Variants in TMEM117 observed in about 807,000 individuals in gnomAD.
The protein encoded by TMEM117 is transmembrane protein 117.
TMEM117 carries 27 observed loss-of-function variants against 52.4 expected under a neutral mutation model. That is an observed-to-expected ratio of 0.51 (90% CI 0.38 to 0.71). The LOEUF (loss-of-function observed/expected upper bound fraction) is 0.71. TMEM117 is among the 30% of genes least tolerant of loss of function. The pLI is 0.00. For synonymous variants in TMEM117, 215 were observed against 206.3 expected (o/e 1.04, Z -0.36); for missense variants, 556 against 630.5 (o/e 0.88, Z 1.26).
chr12:43,992,668 T>C (rs1326957827), intron 3 of TMEM117, among the ~76,000 whole-genome samples: 2 of 152,172 alleles, frequency 1.3e-5, no homozygotes, highest in African/African-American at 4.8e-5. Context: ...CTCTCCATGC[T>C]CTCTCAGGTA....
chr12:43,898,148 C>T (rs185903006), intron 2 of TMEM117, among the ~76,000 whole-genome samples: 1 of 152,106 alleles, frequency 6.6e-6, no homozygotes, highest in East Asian at 1.9e-4. Flanking sequence ...CAGCTCAAAA[C>T]AGAATTCCTC....
intron 5 of TMEM117, among the ~76,000 whole-genome samples, chr12:44,217,871 A>G (rs916967163): frequency 6.6e-6 from 1 of 152,164 alleles, no homozygotes; most frequent in African/African-American, 2.4e-5. Context: ...CTGGGAATGT[A>G]ATATGGAACA....
intron 2 of TMEM117, among the ~76,000 whole-genome samples, chr12:43,910,355 A>G (rs1354630515): frequency 1.1e-4 from 14 of 129,868 alleles, no homozygotes; most frequent in African/African-American, 3.9e-4. Context: ...CAAAATAATA[A>G]GAGCTATCTA....
At chr12:44,095,380 G>C (rs558907783) in intron 3 of TMEM117, among the ~76,000 whole-genome samples, 3 of 152,054 alleles carry the variant, frequency 2.0e-5, no homozygotes, top group Admixed American at 2.0e-4. Flanking sequence ...GAGTAGGATT[G>C]GGAAGCCATT....
chr12:44,355,486 A>C (rs778202105), intron 6 of TMEM117, among the ~76,000 whole-genome samples: 15 of 151,974 alleles, frequency 9.9e-5, no homozygotes, highest in Admixed American at 5.9e-4. Flanking sequence ...GTCTTAGAGG[A>C]TGGGCCTGCC....
intron 3 of TMEM117, among the ~76,000 whole-genome samples, chr12:44,137,388 A>G (rs1018191701): frequency 6.6e-6 from 1 of 152,132 alleles, no homozygotes; most frequent in African/African-American, 2.4e-5. Flanking sequence ...AAATGGTGGT[A>G]TATTGGTGAG....
At chr12:43,899,163 T>C (rs1944263009) in intron 2 of TMEM117, among the ~76,000 whole-genome samples, 1 of 152,226 alleles carries the variant, frequency 6.6e-6, no homozygotes, top group Non-Finnish European at 1.5e-5. Flanking sequence ...TTGCTTGAAG[T>C]CTGATCCTAA....
intron 3 of TMEM117, among the ~76,000 whole-genome samples, chr12:44,132,378 G>T (rs1948428649): frequency 6.6e-6 from 1 of 151,978 alleles, no homozygotes. Context: ...GTTAGGTGGG[G>T]TGAAAGTCAT....
chr12:43,959,483 A>C (rs1397811655), intron 3 of TMEM117, among the ~76,000 whole-genome samples: 1 of 152,180 alleles, frequency 6.6e-6, no homozygotes, highest in Non-Finnish European at 1.5e-5. Flanking sequence ...ATTTTTGTTA[A>C]GTTCACCATT....
At chr12:43,846,221 A>T (rs1295032161) in intron 2 of TMEM117, among the ~76,000 whole-genome samples, 1 of 152,174 alleles carries the variant, frequency 6.6e-6, no homozygotes, top group Non-Finnish European at 1.5e-5. Context: ...AGTTTAAGTT[A>T]AAAAGGTAAC....
chr12:43,798,966 A>G, the TMEM117 span, among the ~76,000 whole-genome samples: 1 of 152,108 alleles, frequency 6.6e-6, no homozygotes, highest in Non-Finnish European at 1.5e-5. Context: ...AATCTTCCAT[A>G]TATATCTCTA....
intron 6 of TMEM117, among the ~76,000 whole-genome samples, chr12:44,361,647 TAAA>T (rs1308111361): frequency 6.6e-6 from 1 of 152,174 alleles, no homozygotes; most frequent in Non-Finnish European, 1.5e-5. Context: ...GAGAGAGACA[TAAA>T]GAAGTGTACC....
chr12:44,321,689 A>G (rs1299556911), intron 6 of TMEM117, among the ~76,000 whole-genome samples: 1 of 152,164 alleles, frequency 6.6e-6, no homozygotes, highest in Non-Finnish European at 1.5e-5. Flanking sequence ...GATGGGTGAA[A>G]AAACTATGCC....
chr12:43,898,070 A>C lies in TMEM117; in HGVS notation c.278-46140A>C, dbSNP rs1055603507. Among the ~76,000 whole-genome samples the C allele has an allele frequency of 7.6e-5, 11 of 145,652 alleles. 1 individual carries two copies. Among genetic ancestry groups the C allele is most frequent in the South Asian group, 6.4e-4 (3 of 4,670 alleles). On this transcript the variant is annotated intron_variant, in intron 2 of 7. Transcript: ENST00000266534. ...CACGCACACACACACACACACACAC[A>C]CCGATTTCCTTCAGTTTTAGCTTCT...
At chr12:44,029,521 C>G (rs368782309) in intron 3 of TMEM117, among the ~76,000 whole-genome samples, 3 of 152,128 alleles carry the variant, frequency 2.0e-5, no homozygotes, top group East Asian at 1.9e-4. Flanking sequence ...AGTGGCTGCC[C>G]GAACTTTTCA....
At chr12:44,060,845 T>TA (rs1324500062) in intron 3 of TMEM117, among the ~76,000 whole-genome samples, 2 of 152,138 alleles carry the variant, frequency 1.3e-5, no homozygotes, top group Non-Finnish European at 1.5e-5. Context: ...TTTTATTTTG[T>TA]AAATGGGAGA....
intron 5 of TMEM117, among the ~76,000 whole-genome samples, chr12:44,266,573 C>T (rs1348800467): frequency 6.6e-6 from 1 of 152,104 alleles, no homozygotes; most frequent in Non-Finnish European, 1.5e-5. Context: ...TTGTGGCTTG[C>T]ATTTTCAATT....
chr12:44,114,675 A>G (rs1254042193), intron 3 of TMEM117, among the ~76,000 whole-genome samples: 1 of 152,176 alleles, frequency 6.6e-6, no homozygotes, highest in Non-Finnish European at 1.5e-5. Context: ...AACCTCCATC[A>G]AGACAAACTT....
At chr12:44,316,244 C>A (rs1951052696) in intron 6 of TMEM117, among the ~76,000 whole-genome samples, 1 of 152,028 alleles carries the variant, frequency 6.6e-6, no homozygotes, top group Non-Finnish European at 1.5e-5. Context: ...CCTTAAGGAC[C>A]TCTTTTAAGC....
Sources: gnomAD v4.1 joint callset for allele counts (sites outside exome capture counted in the v4.1 genomes callset) on GRCh38, gnomAD v4.1.1 for gene constraint, MANE v1.5 for transcripts, NCBI Gene and HGNC (gene_info 2026-07-23, HGNC 2026-07-21) for gene names.